The following NPAS3 variants were observed in gnomAD, a reference collection of about 807,000 sequenced individuals.
The protein encoded by NPAS3 is neuronal PAS domain-containing protein 3.
Under a neutral mutation model 73.1 loss-of-function variants are expected in NPAS3, and 14 were observed. That is an observed-to-expected ratio of 0.19 (90% CI 0.13 to 0.30). The LOEUF (loss-of-function observed/expected upper bound fraction) is 0.30, where lower values mean the gene tolerates loss of function less well. Ranked by LOEUF, NPAS3 falls within the 10% of genes least tolerant of loss-of-function variation. NPAS3 has a pLI of 1.00. For missense variants in NPAS3, 1,096 were observed against 1,250.0 expected, an observed-to-expected ratio of 0.88 and a Z score of 1.86; for synonymous variants, 620 against 541.5, an observed-to-expected ratio of 1.14 and a Z score of -2.01.
At chr14:33,533,244 A>G (rs1304233171) in intron 4 of NPAS3, among the ~76,000 whole-genome samples, 1 of 152,192 alleles carries the variant, frequency 6.6e-6, no homozygotes, top group Non-Finnish European at 1.5e-5. Flanking sequence ...TACAGAAAAT[A>G]TTACATCGTA....
intron 1 of NPAS3, among the ~76,000 whole-genome samples, chr14:33,010,682 T>A (rs1002174086): frequency 6.6e-6 from 1 of 152,178 alleles, no homozygotes; most frequent in Non-Finnish European, 1.5e-5. Context: ...CTGGGCATAG[T>A]GGCTCACGCC....
chr14:33,717,230 CAAAAAA>C (rs35800734), intron 6 of NPAS3, among the ~76,000 whole-genome samples: 3 of 102,206 alleles, frequency 2.9e-5, no homozygotes, highest in Non-Finnish European at 6.1e-5. Flanking sequence ...TGATCATGGC[CAAAAAA>C]AAAAAAAAAA....
At chr14:33,255,601 C>G (rs911335470) in intron 3 of NPAS3, among the ~76,000 whole-genome samples, 1 of 152,222 alleles carries the variant, frequency 6.6e-6, no homozygotes, top group South Asian at 2.1e-4. Flanking sequence ...TTGTCCTTAA[C>G]TTTGGCCAGC....
intron 5 of NPAS3, among the ~76,000 whole-genome samples, chr14:33,594,787 G>A (rs1181554969): frequency 1.3e-5 from 2 of 152,180 alleles, no homozygotes; most frequent in Non-Finnish European, 2.9e-5. Flanking sequence ...CCCCTGCTCT[G>A]TAAAATATTT....
intron 3 of NPAS3, among the ~76,000 whole-genome samples, chr14:33,304,302 C>G (rs1447394975): frequency 6.6e-6 from 1 of 152,020 alleles, no homozygotes; most frequent in Non-Finnish European, 1.5e-5. Context: ...TTCAGTTATC[C>G]TTTTTAATTC....
intron 1 of NPAS3, among the ~76,000 whole-genome samples, chr14:33,001,283 C>T (rs2139569026): frequency 6.6e-6 from 1 of 152,252 alleles, no homozygotes; most frequent in South Asian, 2.1e-4. Context: ...TTGGAAGTAA[C>T]TCTACCCACA....
intron 2 of NPAS3, among the ~76,000 whole-genome samples, chr14:33,178,180 T>C (rs1042148167): frequency 6.6e-6 from 1 of 150,914 alleles, no homozygotes; most frequent in African/African-American, 2.4e-5. Context: ...GTTCAAGTGA[T>C]GCTTTTGCCT....
At chr14:33,261,200 G>T (rs942852999) in intron 3 of NPAS3, among the ~76,000 whole-genome samples, 3 of 151,600 alleles carry the variant, frequency 2.0e-5, no homozygotes, top group Non-Finnish European at 4.4e-5. Context: ...CTTTATCCTT[G>T]TTCCTGAGTT....
chr14:33,159,553 C>CTTTTTTTTTTTTTTTTTTTTT (rs11389432), intron 2 of NPAS3, among the ~76,000 whole-genome samples: 1 of 121,410 alleles, frequency 8.2e-6, no homozygotes, highest in Non-Finnish European at 1.7e-5. Flanking sequence ...TTATAATGAG[C>CTTTTTTTTTTTTTTTTTTTTT]TTTTTTTTTT....
At chr14:33,225,974 A>G (rs910025679) in intron 3 of NPAS3, among the ~76,000 whole-genome samples, 9 of 152,366 alleles carry the variant, frequency 5.9e-5, no homozygotes, top group African/African-American at 1.7e-4. Flanking sequence ...ATGTATGTAC[A>G]TAAGTCTATT....
intron 7 of NPAS3, among the ~76,000 whole-genome samples, chr14:33,736,890 A>G (rs1347088283): frequency 6.6e-6 from 1 of 152,190 alleles, no homozygotes; most frequent in Non-Finnish European, 1.5e-5. Context: ...TTTTCATACC[A>G]CAAACTAGAG....
chr14:33,642,297 C>T (rs1198980636), intron 5 of NPAS3, among the ~76,000 whole-genome samples: 1 of 152,074 alleles, frequency 6.6e-6, no homozygotes, highest in African/African-American at 2.4e-5. Context: ...TAATATTAAA[C>T]TGTTAAAAGA....
intron 4 of NPAS3, among the ~76,000 whole-genome samples, chr14:33,398,035 C>A (rs2138700848): frequency 6.6e-6 from 1 of 152,154 alleles, no homozygotes; most frequent in East Asian, 1.9e-4. Context: ...TACACCAATG[C>A]CAAAAATTTT....
At chr14:33,236,062 TCAG>T (rs1186128906) in intron 3 of NPAS3, among the ~76,000 whole-genome samples, 1 of 151,994 alleles carries the variant, frequency 6.6e-6, no homozygotes, top group African/African-American at 2.4e-5. Flanking sequence ...TTCATCTTAA[TCAG>T]CAGGTTCTGT....
chr14:33,661,739 A>G (rs2059314558), intron 5 of NPAS3, among the ~76,000 whole-genome samples: 1 of 152,240 alleles, frequency 6.6e-6, no homozygotes, highest in African/African-American at 2.4e-5. Context: ...AGATATGTCT[A>G]TATTATTACA....
chr14:32,978,342 C>T (rs1482723419), intron 1 of NPAS3, among the ~76,000 whole-genome samples: 1 of 152,068 alleles, frequency 6.6e-6, no homozygotes, highest in African/African-American at 2.4e-5. Flanking sequence ...AAGGAGAAGC[C>T]CAAACACAAC....
chr14:33,060,692 G>A (rs188578771), intron 2 of NPAS3, among the ~76,000 whole-genome samples: 1 of 152,266 alleles, frequency 6.6e-6, no homozygotes, highest in Admixed American at 6.5e-5. Context: ...GTGCCTCATC[G>A]GCACAGAGTT....
At chr14:33,171,318 G>A (rs561673569) in intron 2 of NPAS3, among the ~76,000 whole-genome samples, 189 of 152,298 alleles carry the variant, frequency 1.2e-3, no homozygotes, top group African/African-American at 3.9e-3. Context: ...CACAGGCCGA[G>A]TAGTTCTACC....
intron 2 of NPAS3, among the ~76,000 whole-genome samples, chr14:33,107,934 A>G (rs1178342541): frequency 2.0e-5 from 3 of 152,202 alleles, no homozygotes; most frequent in Non-Finnish European, 2.9e-5. Flanking sequence ...CTTTGAAAAA[A>G]TAGAATAAAT....
Sources: gnomAD v4.1 joint callset for allele counts (sites outside exome capture counted in the v4.1 genomes callset) on GRCh38, gnomAD v4.1.1 for gene constraint, MANE v1.5 for transcripts, NCBI Gene and HGNC (gene_info 2026-07-23, HGNC 2026-07-21) for gene names.